IFT140: variants seen among roughly 807,000 people sequenced by gnomAD.
IFT140 encodes the protein intraflagellar transport 140, also known as intraflagellar transport protein 140 homolog.
Under a neutral mutation model 164.6 loss-of-function variants are expected in IFT140, and 133 were observed. That is an observed-to-expected ratio of 0.81 (90% CI 0.70 to 0.93). The LOEUF is 0.93. Ranked by LOEUF, IFT140 falls within the 40% of genes least tolerant of loss-of-function variation. The probability of loss-of-function intolerance (pLI) is 0.00; values close to 1 mark genes in which losing one functional copy is unlikely to be tolerated. For missense variants in IFT140, 2,045 were observed against 1,972.3 expected (o/e 1.04, Z -0.70); for synonymous variants, 860 against 817.3 (o/e 1.05, Z -0.89).
intron 12 of IFT140, among the ~76,000 whole-genome samples, chr16:1,581,418 C>T (rs928312017): frequency 5.3e-5 from 8 of 151,642 alleles, no homozygotes; most frequent in African/African-American, 4.8e-5. Context: ...TGGCCAACAT[C>T]GTGGAATGTT....
chr16:1,541,961 G>A (rs2076443), intron 19 of IFT140: 348,747 of 1,609,750 alleles, frequency 0.22, 41,093 homozygotes, highest in African/African-American at 0.38. Context: ...TGGTGGCCAC[G>A]GCCGCGCTCA....
At chr16:1,511,781 A>C (rs1485842559) in intron 30 of IFT140, among the ~76,000 whole-genome samples, 1 of 152,038 alleles carries the variant, frequency 6.6e-6, no homozygotes, top group East Asian at 1.9e-4. Flanking sequence ...GCTGCCTTAC[A>C]TGCTGACAAA....
intron 13 of IFT140, among the ~76,000 whole-genome samples, chr16:1,579,716 C>T (rs1274888005): frequency 6.6e-6 from 1 of 152,124 alleles, no homozygotes; most frequent in Admixed American, 6.5e-5. Flanking sequence ...CCTGTAATCC[C>T]AGCACTTTGG....
chr16:1,537,821 G>A (rs944855512), intron 19 of IFT140, among the ~76,000 whole-genome samples: 5 of 152,216 alleles, frequency 3.3e-5, no homozygotes, highest in Non-Finnish European at 7.3e-5. Context: ...CTAGCTGAGG[G>A]GGAGCCCCAC....
chr16:1,607,031 C>T (rs970794732), intron 3 of IFT140, 89 bp downstream of exon 3: 1 of 1,318,870 alleles, frequency 7.6e-7, no homozygotes, highest in East Asian at 2.3e-5. Context: ...GGCACACACA[C>T]ACATGTGCAC....
chr16:1,523,756 A>G, intron 25 of IFT140, 56 bp from the exon 26 acceptor site: 1 of 1,605,506 alleles, frequency 6.2e-7, no homozygotes, highest in Non-Finnish European at 8.5e-7. Context: ...CCGAGCACGG[A>G]GGCCTCGCAC....
At chr16:1,541,854 G>A (rs1050763882) in intron 19 of IFT140, 11 of 1,480,402 alleles carry the variant, frequency 7.4e-6, no homozygotes, top group Admixed American at 4.4e-5. Context: ...CGAAAGTGGC[G>A]TGACGGCTGG....
At chr16:1,565,828 C>T (rs1005687783) in intron 16 of IFT140, among the ~76,000 whole-genome samples, 26 of 152,174 alleles carry the variant, frequency 1.7e-4, no homozygotes, top group African/African-American at 6.3e-4. Flanking sequence ...AGGCAAATGC[C>T]CCCCTACATG....
intron 13 of IFT140, among the ~76,000 whole-genome samples, chr16:1,578,975 A>G (rs931904825): frequency 6.6e-6 from 1 of 152,196 alleles, no homozygotes; most frequent in African/African-American, 2.4e-5. Flanking sequence ...CCCTCCCCAA[A>G]GTGCTCAGAT....
chr16:1,553,385 G>A lies in IFT140; in HGVS notation c.2399+4550C>T, dbSNP rs1303314887. On this transcript the variant is annotated intron_variant, in intron 19 of 30. Coordinates refer to ENST00000426508, the MANE Select transcript of IFT140 (RefSeq NM_014714.4). The surrounding 1 kb of genome is among the most constrained non-coding windows in gnomAD (Gnocchi z 4.4). ...GCTGGGGCCACACAGGGCAGGGCAT[G>A]ATTTGGTTTCCTGGGGAATGCAGGG... 1.0e-6 allele frequency: 1 copy of A among 985,264 alleles called. No homozygotes were observed. Among genetic ancestry groups the A allele is most frequent in the Admixed American group, 6.1e-5 (1 of 16,270 alleles). 61.0% of individuals were successfully genotyped at this position (985,264 alleles called of 1,614,324 possible). A position where few individuals can be genotyped will look rare whatever the true frequency, so the allele number is the denominator to read the frequency against.
chr16:1,606,998 A>T, intron 3 of IFT140, 122 bp downstream of exon 3: 1 of 907,840 alleles, frequency 1.1e-6, no homozygotes, highest in South Asian at 1.6e-5. Context: ...ACACAGATGC[A>T]TGTATACACA....
intron 11 of IFT140, 47 bp downstream of exon 11, chr16:1,584,170 G>T: frequency 6.4e-7 from 1 of 1,554,106 alleles, no homozygotes; most frequent in Non-Finnish European, 8.8e-7. Context: ...TGGCCATGGG[G>T]CAGTTCTTCT....
chr16:1,611,935 C>T (rs574372551), intron 1 of IFT140, 33 bp downstream of exon 1: 2 of 152,174 alleles, frequency 1.3e-5, no homozygotes, highest in Non-Finnish European at 2.9e-5. Flanking sequence ...AGCGCAGAAG[C>T]ACATACTCCA....
intron 13 of IFT140, among the ~76,000 whole-genome samples, chr16:1,574,126 C>T (rs1309826101): frequency 1.3e-5 from 2 of 152,166 alleles, no homozygotes; most frequent in Non-Finnish European, 2.9e-5. Context: ...GGATTCCTGA[C>T]CAACAACCTG....
intron 20 of IFT140, 119 bp downstream of exon 20, chr16:1,526,500 C>A: frequency 9.0e-7 from 1 of 1,112,780 alleles, no homozygotes; most frequent in Non-Finnish European, 1.2e-6. Flanking sequence ...TCATGCCTCT[C>A]GGCTCTGCCC....
At chr16:1,512,224 G>A (rs1326708068) in intron 30 of IFT140, among the ~76,000 whole-genome samples, 5 of 140,670 alleles carry the variant, frequency 3.6e-5, no homozygotes, top group South Asian at 4.8e-4. Context: ...ATGGGGGGCA[G>A]GACAGGCGGC....
chr16:1,602,150 T>A, intron 4 of IFT140: 1 of 575,898 alleles, frequency 1.7e-6, no homozygotes. Flanking sequence ...GAATGCAGTT[T>A]CCCAGCAAAG....
chr16:1,565,199 G>C (rs938185085), intron 16 of IFT140, among the ~76,000 whole-genome samples: 3 of 152,204 alleles, frequency 2.0e-5, no homozygotes, highest in Non-Finnish European at 4.4e-5. Flanking sequence ...CTGCGGACCT[G>C]GGTGACGGGC....
chr16:1,563,733 G>A (rs1023222871), intron 17 of IFT140, among the ~76,000 whole-genome samples: 5 of 152,106 alleles, frequency 3.3e-5, no homozygotes, highest in Admixed American at 3.3e-4. Context: ...CCACGTGAAC[G>A]AATTTTCAGG....
Sources: allele counts gnomAD v4.1 joint callset (sites outside exome capture counted in the v4.1 genomes callset), GRCh38; gene constraint gnomAD v4.1.1; non-coding constraint Gnocchi (gnomAD v3.1); transcripts MANE v1.5; gene names NCBI Gene and HGNC (gene_info 2026-07-23, HGNC 2026-07-21).